The following SYTL2 variants were observed in gnomAD, a reference collection of about 807,000 sequenced individuals.
SYTL2 encodes the protein synaptotagmin-like protein 2.
In SYTL2, 165 loss-of-function variants were observed where a neutral mutation model predicts 198.7. The ratio of observed to expected loss-of-function variants is 0.83; its 90% CI spans 0.73 to 0.94. The LOEUF (loss-of-function observed/expected upper bound fraction) is 0.94. Among genes scored for constraint, SYTL2 ranks in the 40% least tolerant of loss-of-function variants. The pLI is 0.00. For synonymous variants in SYTL2, 966 were observed against 917.7 expected (o/e 1.05, Z -0.95); for missense variants, 2,835 against 2,582.8 (o/e 1.10, Z -2.12).
chr11:85,701,985 C>T (rs1472746775), intron 16 of SYTL2, among the ~76,000 whole-genome samples: 1 of 152,110 alleles, frequency 6.6e-6, no homozygotes, highest in Non-Finnish European at 1.5e-5. Flanking sequence ...AAAAGGTAAG[C>T]AGGACTTTTA....
At chr11:85,794,303 C>T (rs1015205534) in intron 1 of SYTL2, among the ~76,000 whole-genome samples, 11 of 152,122 alleles carry the variant, frequency 7.2e-5, no homozygotes, top group African/African-American at 2.2e-4. Flanking sequence ...CTCAGCCTCC[C>T]AAGTAGCTGA....
chr11:85,830,003 A>G, the SYTL2 span, among the ~76,000 whole-genome samples: 3,322 of 152,318 alleles, frequency 0.022, 129 homozygotes, highest in African/African-American at 0.075. Context: ...TTCACATCCA[A>G]CTAAGACCAG....
At position 85,733,846 on chromosome 11, in the gene SYTL2, G is replaced by A. The variant is rs1417023762; in HGVS notation, c.1390+93C>T. ...GATCTCCTGACCTCATGATCCACCC[G>A]CCTCGGCCTCCCAAAGTGCTGGGAT... On this transcript the variant is annotated intron_variant, in intron 7 of 19. Coordinates refer to ENST00000359152, the MANE Select transcript of SYTL2 (RefSeq NM_206927.4). The A allele has an allele frequency of 2.0e-5, 19 of 948,910 alleles. No individual in the cohort carries two copies. The Middle Eastern group carries it at 9.8e-4, about 49-fold the overall frequency. The allele number at this position is 948,910 out of a possible 1,614,324, so 58.8% of individuals were successfully genotyped here. A position where few individuals can be genotyped will look rare whatever the true frequency, so the allele number is the denominator to read the frequency against.
At chr11:85,700,690 G>A (rs1237370121) in intron 16 of SYTL2, 97 bp from the exon 17 acceptor site, 1 of 897,046 alleles carries the variant, frequency 1.1e-6, no homozygotes, top group Non-Finnish European at 1.9e-6. Context: ...CCCATTTCTG[G>A]GACCATGTGT....
At chr11:85,745,828 A>G in intron 3 of SYTL2, 56 bp from the exon 4 acceptor site, 1 of 1,549,980 alleles carries the variant, frequency 6.5e-7, no homozygotes, top group Non-Finnish European at 8.8e-7. Context: ...ATGACCTACA[A>G]CTCTCTTATC....
rs778221043 is a variant in SYTL2, at chr11:85,725,081, A to G, written c.4277T>C (p.Ile1426Thr). 38 of 1,614,062 alleles carry G rather than the reference A, an allele frequency of 2.4e-5. No individual in the cohort carries two copies. The highest frequency in any genetic ancestry group is 3.2e-5 in the Non-Finnish European group (38 of 1,180,014). ...ATAAAAATCCTTCCTGTCTGGAACT[A>G]TGGTGTCCATCGTAGCCCATGGTGA... The part of the protein sequence containing the change: ...VISPWATMDT[I>T]VPDRKDFYSS... Residue 1426 changes from isoleucine to threonine, a missense_variant, in exon 8 of 20, where the codon ATA (isoleucine) becomes ACA (threonine). Physicochemically the swap from Ile to Thr is moderately conservative, Grantham distance 89. Coordinates refer to ENST00000359152, the MANE Select transcript of SYTL2 (RefSeq NM_206927.4).
chr11:85,781,226 C>T (rs1286456796), intron 1 of SYTL2, among the ~76,000 whole-genome samples: 1 of 152,096 alleles, frequency 6.6e-6, no homozygotes, highest in Admixed American at 6.6e-5. Context: ...CACATGGTAG[C>T]AGCAAGGAGA....
intron 4 of SYTL2, among the ~76,000 whole-genome samples, chr11:85,744,824 C>A (rs2091038544): frequency 1.3e-5 from 2 of 152,114 alleles, no homozygotes; most frequent in African/African-American, 4.8e-5. Context: ...CAACTATGCC[C>A]TCAAGGAACA....
chr11:85,730,773 G>T (rs554965205), intron 7 of SYTL2, among the ~76,000 whole-genome samples: 1 of 152,046 alleles, frequency 6.6e-6, no homozygotes, highest in Admixed American at 6.6e-5. Context: ...AAAAAAAATG[G>T]TATTCAAATA....
At position 85,806,986 on chromosome 11, in the gene SYTL2, C is replaced by T. The variant is rs367681515; in HGVS notation, c.-390+3968G>A. Among the ~76,000 whole-genome samples, 131 of 152,380 alleles carry T rather than the reference C, an allele frequency of 8.6e-4. 1 individual carries two copies. In the South Asian group the frequency reaches 0.011, roughly 12 times the overall value. Reference sequence around the variant, plus strand: ...TTCCTCAGAGCATCCAGGAGCACGGCGTATGCCTGAGAGCAGTCCTTGAGG... The same window carrying T: ...TTCCTCAGAGCATCCAGGAGCACGGTGTATGCCTGAGAGCAGTCCTTGAGG... On this transcript the variant is annotated intron_variant, in intron 1 of 19. Transcript: ENST00000359152.
chr11:85,733,898 C>T, intron 7 of SYTL2, 41 bp downstream of exon 7: 1 of 1,577,210 alleles, frequency 6.3e-7, no homozygotes, highest in Non-Finnish European at 8.7e-7. Context: ...CGCGCCCGGC[C>T]CCACCAAGTT....
chr11:85,774,991 GT>G (rs200646401), intron 1 of SYTL2, among the ~76,000 whole-genome samples: 23 of 146,794 alleles, frequency 1.6e-4, no homozygotes, highest in East Asian at 4.0e-4. Context: ...GTGCCTTCCT[GT>G]TTTTTTTTTT....
intron 3 of SYTL2, among the ~76,000 whole-genome samples, chr11:85,747,222 A>G (rs760786598): frequency 6.6e-6 from 1 of 151,992 alleles, no homozygotes; most frequent in Non-Finnish European, 1.5e-5. Flanking sequence ...TGGGAGGGTG[A>G]GGCAGGAAGA....
intron 9 of SYTL2, chr11:85,719,324 T>G: frequency 8.6e-7 from 1 of 1,156,128 alleles, no homozygotes; most frequent in Admixed American, 4.1e-5. Flanking sequence ...CTAAGTGGAA[T>G]CTTGGCAGGC....
intron 1 of SYTL2, among the ~76,000 whole-genome samples, chr11:85,807,029 CACATGCCCCCATGGGT>C (rs1179380244): frequency 1.3e-5 from 2 of 152,244 alleles, no homozygotes. Context: ...TACTGGCACT[CACATGCCCCCATGGGT>C]ACACTGCCTT....
rs777273610 is a variant in SYTL2 at position 85,745,622 on chromosome 11, G to C, written c.389+15C>G. 2 of 1,609,502 alleles carry C rather than the reference G, an allele frequency of 1.2e-6. No individual in the cohort carries two copies. Among genetic ancestry groups the C allele is most frequent in the Non-Finnish European group, 1.7e-6 (2 of 1,176,730 alleles). On this transcript the variant is annotated intron_variant, in intron 4 of 19. Coordinates refer to ENST00000359152, the MANE Select transcript of SYTL2 (RefSeq NM_206927.4). ...AAGCCACATGCAGCAGCTCTCCCCA[G>C]AAGCTTTGCCTTACCTCGGGCTTGC...
At chr11:85,833,015 GAAAGA>G in the SYTL2 span, among the ~76,000 whole-genome samples, 1 of 18,332 alleles carries the variant, frequency 5.5e-5, no homozygotes, top group African/African-American at 2.9e-4. Flanking sequence ...AGAAAGAAAA[GAAAGA>G]AAGAAAGAAA....
At chr11:85,701,787 C>T (rs1002512028) in intron 16 of SYTL2, among the ~76,000 whole-genome samples, 10 of 152,164 alleles carry the variant, frequency 6.6e-5, no homozygotes, top group African/African-American at 2.2e-4. Flanking sequence ...ATCACATCAA[C>T]CCCTAAACTA....
At chr11:85,754,193 A>G (rs1021827290) in intron 2 of SYTL2, among the ~76,000 whole-genome samples, 3 of 152,206 alleles carry the variant, frequency 2.0e-5, no homozygotes, top group African/African-American at 7.2e-5. Context: ...TGAGATTTTA[A>G]ATTTGCAACT....
Sources: allele counts gnomAD v4.1 joint callset (sites outside exome capture counted in the v4.1 genomes callset), GRCh38; gene constraint gnomAD v4.1.1; transcripts MANE v1.5; gene names NCBI Gene and HGNC (gene_info 2026-07-23, HGNC 2026-07-21).